Variants in PPP2R5E observed in about 807,000 individuals in gnomAD.
PPP2R5E encodes serine/threonine-protein phosphatase 2A 56 kDa regulatory subunit epsilon isoform.
A neutral mutation model predicts 65.3 loss-of-function variants in PPP2R5E; 4 were observed. The ratio of observed to expected loss-of-function variants is 0.06; its 90% CI spans 0.03 to 0.14. The LOEUF (loss-of-function observed/expected upper bound fraction) is 0.14. PPP2R5E is among the 10% of genes least tolerant of loss of function. The pLI is 1.00. For synonymous variants in PPP2R5E, 183 were observed against 187.4 expected, an observed-to-expected ratio of 0.98 and a Z score of 0.19; for missense variants, 274 against 556.1, an observed-to-expected ratio of 0.49 and a Z score of 5.10.
intron 3 of PPP2R5E, among the ~76,000 whole-genome samples, chr14:63,429,946 A>C (rs1038534759): frequency 6.6e-6 from 1 of 152,036 alleles, no homozygotes; most frequent in Admixed American, 6.5e-5. Context: ...GGCCTCCCAA[A>C]GTGCCGGGAT....
intron 2 of PPP2R5E, among the ~76,000 whole-genome samples, chr14:63,537,660 C>A (rs552747148): frequency 6.6e-6 from 1 of 152,080 alleles, no homozygotes; most frequent in Admixed American, 6.6e-5. Context: ...GGATCTTTTC[C>A]GGTTACATTC....
chr14:63,433,524 A>C (rs1887800983), intron 3 of PPP2R5E, among the ~76,000 whole-genome samples: 1 of 152,106 alleles, frequency 6.6e-6, no homozygotes, highest in African/African-American at 2.4e-5. Context: ...AGAATCATCT[A>C]ATCTCCTGGC....
At chr14:63,518,771 C>T (rs760642159) in intron 2 of PPP2R5E, among the ~76,000 whole-genome samples, 1 of 152,012 alleles carries the variant, frequency 6.6e-6, no homozygotes, top group Admixed American at 6.6e-5. Flanking sequence ...AGTAATCTTC[C>T]ATCATAATGT....
In PPP2R5E at chr14:63,534,718, C is replaced by T. The variant is rs142267898; in HGVS notation, c.157+4811G>A. ...CACTGCAGCCTCAGCCTCCTGGGCT[C>T]GGGCAATCCTTCTGCCTCAGCCTCC... On this transcript the variant is annotated intron_variant, in intron 2 of 13. Coordinates refer to ENST00000337537, the MANE Select transcript of PPP2R5E (RefSeq NM_006246.5). Among the ~76,000 whole-genome samples, 804 of 152,296 alleles carry T rather than the reference C, an allele frequency of 5.3e-3. 2 individuals carry two copies. The highest frequency in any genetic ancestry group is 0.017 in the Middle Eastern group (5 of 294).
At chr14:63,391,406 T>C (rs749174773) in intron 10 of PPP2R5E, among the ~76,000 whole-genome samples, 2 of 149,424 alleles carry the variant, frequency 1.3e-5, no homozygotes, top group Non-Finnish European at 3.0e-5. Flanking sequence ...TTTTGCTTTG[T>C]TTTGTTTTGT....
intron 2 of PPP2R5E, among the ~76,000 whole-genome samples, chr14:63,523,268 T>G (rs1411390651): frequency 1.1e-4 from 16 of 151,812 alleles, no homozygotes; most frequent in Non-Finnish European, 2.1e-4. Flanking sequence ...GAGTAGAAAG[T>G]GGTGAGAGGT....
intron 3 of PPP2R5E, among the ~76,000 whole-genome samples, chr14:63,442,275 T>A (rs1223976065): frequency 1.3e-5 from 2 of 152,176 alleles, no homozygotes; most frequent in Admixed American, 6.5e-5. Context: ...GCTTATCCTA[T>A]CCTTCAAATT....
At chr14:63,466,642 C>G (rs536823774) in intron 2 of PPP2R5E, among the ~76,000 whole-genome samples, 1 of 152,134 alleles carries the variant, frequency 6.6e-6, no homozygotes, top group Non-Finnish European at 1.5e-5. Flanking sequence ...TCTGAAATAC[C>G]ATGCCAAGAG....
At chr14:63,512,078 T>TAAAAA (rs57623942) in intron 2 of PPP2R5E, among the ~76,000 whole-genome samples, 3 of 87,074 alleles carry the variant, frequency 3.4e-5, no homozygotes, top group Non-Finnish European at 7.1e-5. Flanking sequence ...GACTCTGCGG[T>TAAAAA]AAAAAAAAAA....
At position 63,393,717 on chromosome 14, in the gene PPP2R5E, A is replaced by G. The variant is rs1189229501; in HGVS notation, c.849+103T>C. On this transcript the variant is annotated intron_variant, in intron 8 of 13. Coordinates refer to ENST00000337537, the MANE Select transcript of PPP2R5E (RefSeq NM_006246.5). ...GCAGAGCAAGACTCCGTCTCAAAAA[A>G]CAAAAACCAAAAAAACAAAATGAAG... 1.3e-5 allele frequency: 10 copies of G among 787,412 alleles called. No homozygotes were observed. The Admixed American group carries it at 2.4e-4, about 19-fold the overall frequency. The allele number at this position is 787,412 out of a possible 1,614,324, so 48.8% of individuals were successfully genotyped here.
intron 2 of PPP2R5E, among the ~76,000 whole-genome samples, chr14:63,498,463 C>T (rs1186028351): frequency 6.6e-6 from 1 of 151,860 alleles, no homozygotes; most frequent in African/African-American, 2.4e-5. Flanking sequence ...TGTGTATGAA[C>T]CTTTGGAATG....
chr14:63,438,487 G>C (rs949275176), intron 3 of PPP2R5E, among the ~76,000 whole-genome samples: 1 of 152,104 alleles, frequency 6.6e-6, no homozygotes, highest in African/African-American at 2.4e-5. Context: ...TTAAAAGGTG[G>C]GAGAAAAGAG....
At chr14:63,411,953 A>G (rs935244637) in intron 5 of PPP2R5E, among the ~76,000 whole-genome samples, 21 of 152,250 alleles carry the variant, frequency 1.4e-4, no homozygotes, top group African/African-American at 4.8e-4. Context: ...GTACCCATAT[A>G]TAATAGTGTG....
chr14:63,490,383 C>G (rs1891225385), intron 2 of PPP2R5E, among the ~76,000 whole-genome samples: 1 of 151,978 alleles, frequency 6.6e-6, no homozygotes, highest in African/African-American at 2.4e-5. Context: ...CAAAAGTTGA[C>G]AAGTGGAACC....
intron 2 of PPP2R5E, among the ~76,000 whole-genome samples, chr14:63,511,928 A>C (rs1211990146): frequency 1.3e-5 from 2 of 151,938 alleles, no homozygotes; most frequent in African/African-American, 4.8e-5. Flanking sequence ...AGATACAAAA[A>C]ATTAGCCGGG....
intron 4 of PPP2R5E, among the ~76,000 whole-genome samples, chr14:63,417,848 A>C (rs558437036): frequency 3.3e-5 from 5 of 152,162 alleles, no homozygotes; most frequent in Admixed American, 3.3e-4. Context: ...ACGTCAACAC[A>C]GTGAAAGGAC....
chr14:63,531,784 T>C (rs2139759781), intron 2 of PPP2R5E, among the ~76,000 whole-genome samples: 1 of 152,138 alleles, frequency 6.6e-6, no homozygotes, highest in Admixed American at 6.5e-5. Flanking sequence ...TGAAACCCCA[T>C]CTCTATTAAA....
At chr14:63,442,583 G>C (rs950830375) in intron 3 of PPP2R5E, among the ~76,000 whole-genome samples, 12 of 152,120 alleles carry the variant, frequency 7.9e-5, no homozygotes, top group Non-Finnish European at 7.4e-5. Flanking sequence ...CAGAGAGAGA[G>C]ACACAGAGAG....
chr14:63,449,373 T>A (rs1888683317), intron 3 of PPP2R5E, among the ~76,000 whole-genome samples: 1 of 152,182 alleles, frequency 6.6e-6, no homozygotes, highest in South Asian at 2.1e-4. Flanking sequence ...TCTAATAAAA[T>A]CATTGAAATG....
Sources: gnomAD v4.1 joint callset for allele counts (sites outside exome capture counted in the v4.1 genomes callset) on GRCh38, gnomAD v4.1.1 for gene constraint, MANE v1.5 for transcripts, NCBI Gene and HGNC (gene_info 2026-07-23, HGNC 2026-07-21) for gene names.